The following EIF3H variants were observed in gnomAD, a reference collection of about 807,000 sequenced individuals.
EIF3H encodes the protein eukaryotic translation initiation factor 3 subunit H.
Under a neutral mutation model 44.2 loss-of-function variants are expected in EIF3H, and 26 were observed. That is an observed-to-expected ratio of 0.59 (90% CI 0.43 to 0.82). The LOEUF (loss-of-function observed/expected upper bound fraction) is 0.82. EIF3H is among the 40% of genes least tolerant of loss of function. The pLI is 0.00. For missense variants in EIF3H, 359 were observed against 432.8 expected, an observed-to-expected ratio of 0.83 and a Z score of 1.51; for synonymous variants, 166 against 151.9, an observed-to-expected ratio of 1.09 and a Z score of -0.68.
intron 2 of EIF3H, among the ~76,000 whole-genome samples, chr8:116,715,008 T>C (rs1011186736): frequency 6.6e-6 from 1 of 152,070 alleles, no homozygotes; most frequent in Non-Finnish European, 1.5e-5. Flanking sequence ...AGCAAGTAAC[T>C]AAGCAGAGAT....
chr8:116,690,604 A>G (rs1317314537), intron 2 of EIF3H, among the ~76,000 whole-genome samples: 1 of 152,220 alleles, frequency 6.6e-6, no homozygotes, highest in African/African-American at 2.4e-5. Context: ...CTGTAATAGC[A>G]GACATTTAAG....
At chr8:116,657,392 T>A in intron 3 of EIF3H, 78 bp from the exon 4 acceptor site, 1 of 1,029,980 alleles carries the variant, frequency 9.7e-7, no homozygotes, top group Non-Finnish European at 1.5e-6. Flanking sequence ...CTAGGCACAT[T>A]CTGTTACATA....
chr8:116,720,289 TTTTAAA>T (rs1246682341), intron 2 of EIF3H, among the ~76,000 whole-genome samples: 8 of 152,250 alleles, frequency 5.3e-5, no homozygotes, highest in Non-Finnish European at 1.0e-4. Flanking sequence ...GTTGTAATGT[TTTTAAA>T]TTTAAATTTT....
At chr8:116,725,834 T>C (rs1814826176) in intron 2 of EIF3H, among the ~76,000 whole-genome samples, 182 bp downstream of exon 2, 1 of 152,204 alleles carries the variant, frequency 6.6e-6, no homozygotes, top group African/African-American at 2.4e-5. Context: ...AAACTAATGA[T>C]GTCTATAGTA....
intron 2 of EIF3H, among the ~76,000 whole-genome samples, chr8:116,725,427 C>A (rs1487096636): frequency 6.6e-6 from 1 of 152,144 alleles, no homozygotes; most frequent in African/African-American, 2.4e-5. Context: ...AAAAGTTACA[C>A]AGAAAATGAA....
At position 116,722,657 on chromosome 8, in the gene EIF3H, C is replaced by G. The variant is rs545589055; in HGVS notation, c.289+3359G>C. On this transcript the variant is annotated intron_variant, in intron 2 of 7. Coordinates refer to ENST00000521861, the MANE Select transcript of EIF3H (RefSeq NM_003756.3). Reference sequence around the variant, plus strand: ...GCTTATTCTGCAGCTTGCTTTTTCTCTAACCCAAGTGAAGAAGCAGAGAAA... The same window carrying G: ...GCTTATTCTGCAGCTTGCTTTTTCTGTAACCCAAGTGAAGAAGCAGAGAAA... Among the ~76,000 whole-genome samples the G allele has an allele frequency of 1.8e-4, 28 of 152,244 alleles. 1 individual carries two copies. Among genetic ancestry groups the G allele is most frequent in the Admixed American group, 1.6e-3 (24 of 15,296 alleles).
intron 2 of EIF3H, 98 bp from the exon 3 acceptor site, chr8:116,659,078 A>G: frequency 2.0e-6 from 2 of 1,002,424 alleles, no homozygotes; most frequent in Non-Finnish European, 2.8e-6. Flanking sequence ...CTACATAACA[A>G]TTTATTAGCA....
At chr8:116,762,930 C>T (rs1311857068) in intron 1 of EIF3H, among the ~76,000 whole-genome samples, 2 of 151,908 alleles carry the variant, frequency 1.3e-5, no homozygotes, top group Admixed American at 6.6e-5. Flanking sequence ...GGCAACAGAG[C>T]GAGACTCCGT....
At chr8:116,730,846 C>T (rs889767699) in intron 1 of EIF3H, among the ~76,000 whole-genome samples, 1 of 152,156 alleles carries the variant, frequency 6.6e-6, no homozygotes, top group African/African-American at 2.4e-5. Context: ...AGCACTCCAC[C>T]GTCTTACGTG....
intron 1 of EIF3H, among the ~76,000 whole-genome samples, chr8:116,732,490 AG>A (rs1417566264): frequency 2.0e-5 from 3 of 152,220 alleles, no homozygotes; most frequent in African/African-American, 4.8e-5. Flanking sequence ...GTTCCATGAC[AG>A]GGAACAGTTC....
At chr8:116,680,839 TAAATA>T (rs1813973154) in intron 2 of EIF3H, among the ~76,000 whole-genome samples, 1 of 33,626 alleles carries the variant, frequency 3.0e-5, no homozygotes, top group African/African-American at 1.7e-4. Context: ...AAAATAATAA[TAAATA>T]AATAAAAAAA....
upstream of EIF3H, chr8:116,756,018 A>G: frequency 5.2e-6 from 8 of 1,535,790 alleles, no homozygotes; most frequent in Non-Finnish European, 7.0e-6. Flanking sequence ...CGATGGAATG[A>G]TCTAAGATGA....
chr8:116,759,472 C>G (rs1468121378), upstream of EIF3H, among the ~76,000 whole-genome samples: 1 of 152,168 alleles, frequency 6.6e-6, no homozygotes, highest in Non-Finnish European at 1.5e-5. Context: ...TGTGACCATT[C>G]CATGCCTCAG....
chr8:116,736,165 A>C (rs1815035566), intron 1 of EIF3H, among the ~76,000 whole-genome samples: 1 of 152,260 alleles, frequency 6.6e-6, no homozygotes, highest in African/African-American at 2.4e-5. Flanking sequence ...TTTATATGAA[A>C]TTCTAGAAAA....
chr8:116,756,025 A>G (rs1264137720), upstream of EIF3H: 1 of 1,534,938 alleles, frequency 6.5e-7, no homozygotes, highest in South Asian at 1.2e-5. Flanking sequence ...ATGATCTAAG[A>G]TGAAAGTAAA....
intron 2 of EIF3H, among the ~76,000 whole-genome samples, chr8:116,703,212 A>G (rs1468763910): frequency 6.6e-6 from 1 of 152,198 alleles, no homozygotes; most frequent in Non-Finnish European, 1.5e-5. Context: ...ATAACCTAGG[A>G]AAAACGAGGG....
chr8:116,723,875 CTTA>C (rs1586477595), intron 2 of EIF3H, among the ~76,000 whole-genome samples: 1 of 152,160 alleles, frequency 6.6e-6, no homozygotes, highest in African/African-American at 2.4e-5. Context: ...TAGACTTCAT[CTTA>C]TTATGTTGTC....
intron 5 of EIF3H, among the ~76,000 whole-genome samples, chr8:116,654,838 C>T (rs1813461474): frequency 6.6e-6 from 1 of 152,042 alleles, no homozygotes; most frequent in South Asian, 2.1e-4. Flanking sequence ...TAGAGAAGAA[C>T]ATTGATGTCT....
chr8:116,737,550 G>A (rs1013942389), intron 1 of EIF3H, among the ~76,000 whole-genome samples: 2 of 151,990 alleles, frequency 1.3e-5, no homozygotes. Context: ...CAGCTACTCG[G>A]GAGGCTGAAT....
Sources: allele counts gnomAD v4.1 joint callset (sites outside exome capture counted in the v4.1 genomes callset), GRCh38; gene constraint gnomAD v4.1.1; transcripts MANE v1.5; gene names NCBI Gene and HGNC (gene_info 2026-07-23, HGNC 2026-07-21).